ACTN1: variants seen among roughly 807,000 people sequenced by gnomAD.
The protein encoded by ACTN1 is alpha-actinin-1.
Under a neutral mutation model 119.6 loss-of-function variants are expected in ACTN1, and 30 were observed. The ratio of observed to expected loss-of-function variants is 0.25; its 90% CI spans 0.19 to 0.34. ACTN1 has a LOEUF of 0.34. ACTN1 is among the 10% of genes least tolerant of loss of function. The probability of loss-of-function intolerance (pLI) is 1.00; values close to 1 mark genes in which losing one functional copy is unlikely to be tolerated. For synonymous variants in ACTN1, 429 were observed against 472.6 expected, an observed-to-expected ratio of 0.91 and a Z score of 1.20; for missense variants, 764 against 1,223.4, an observed-to-expected ratio of 0.62 and a Z score of 5.60.
chr14:68,954,507 T>C (rs2036282892), intron 1 of ACTN1, among the ~76,000 whole-genome samples: 1 of 152,100 alleles, frequency 6.6e-6, no homozygotes, highest in Non-Finnish European at 1.5e-5. Context: ...TTTGTATTTT[T>C]AGTATAGACG....
At position 68,910,056 on chromosome 14, in the gene ACTN1, G is replaced by T; in HGVS notation, c.428-14C>A. Reference sequence around the variant, plus strand: ...TGGCTGAAGTCTCTATGGGGAAGGGGATGGGCAGCGAGGTCAGAGGGCTGA... The same window carrying T: ...TGGCTGAAGTCTCTATGGGGAAGGGTATGGGCAGCGAGGTCAGAGGGCTGA... On this transcript the variant is annotated splice_polypyrimidine_tract_variant and intron_variant, in intron 4 of 21. Transcript: ENST00000394419. 6.2e-7 allele frequency: 1 copy of T among 1,609,690 alleles called. No individual in the cohort carries two copies. The highest frequency in any genetic ancestry group is 1.1e-5 in the South Asian group (1 of 90,900).
At position 68,933,557 on chromosome 14, in the gene ACTN1, C is replaced by T. The variant is rs78732700; in HGVS notation, c.106-7885G>A. Among the ~76,000 whole-genome samples the T allele has an allele frequency of 9.1e-3, 1,383 of 152,284 alleles. 24 individuals carry two copies. Among genetic ancestry groups the T allele is most frequent in the African/African-American group, 0.031 (1,308 of 41,542 alleles). ...ACAAGTATACTAGGGTGCATGAGAG[C>T]TACTCAATGGCAACTAGAATACGGC... is the stretch of plus-strand genomic sequence containing the variant. On this transcript the variant is annotated intron_variant, in intron 1 of 21. Transcript: ENST00000394419.
At position 68,882,366 on chromosome 14, in the gene ACTN1, C is replaced by T; in HGVS notation, c.1953+92G>A. On this transcript the variant is annotated intron_variant, in intron 16 of 21. Coordinates refer to ENST00000394419, the MANE Select transcript of ACTN1 (RefSeq NM_001130004.2). This position sits in a 1 kb window ranked among gnomAD's most constrained non-coding sequence, Gnocchi z 4.5. ...CTCCGGGCCTCAGTCCTCCATGGGT[C>T]CCACCCAGGGAGACAGGCAGCCTGG... 8 of 1,540,196 alleles carry T rather than the reference C, an allele frequency of 5.2e-6. No individual in the cohort carries two copies. The highest frequency in any genetic ancestry group is 7.1e-6 in the Non-Finnish European group (8 of 1,133,488).
At chr14:68,964,669 T>G (rs2036646817) in intron 1 of ACTN1, among the ~76,000 whole-genome samples, 1 of 152,222 alleles carries the variant, frequency 6.6e-6, no homozygotes, top group Non-Finnish European at 1.5e-5. Context: ...CCTCAGTTCC[T>G]TCTGTAAAGT....
rs1446987905 is a variant in ACTN1 at position 68,909,295 on chromosome 14, G to T, written c.594+23C>A. The stretch of plus-strand genomic sequence containing the variant: ...CCCCACCTGCCAGGGACCCAAAGCG[G>T]GTGGTCAGGTGGGCACACATACCTT... On this transcript the variant is annotated intron_variant, in intron 6 of 21. Transcript: ENST00000394419. The surrounding 1 kb of genome is among the most constrained non-coding windows in gnomAD (Gnocchi z 4.1). The T allele has an allele frequency of 6.2e-7, 1 of 1,612,434 alleles. No homozygotes were observed. The highest frequency in any genetic ancestry group is 2.2e-5 in the East Asian group (1 of 44,862).
At chr14:68,918,510 T>C (rs1314212988) in intron 3 of ACTN1, among the ~76,000 whole-genome samples, 1 of 372 alleles carries the variant, frequency 2.7e-3, no homozygotes, top group East Asian at 0.1. Flanking sequence ...GGCGTCAAAC[T>C]GGGAGGCGGA....
intron 4 of ACTN1, among the ~76,000 whole-genome samples, chr14:68,911,597 G>C (rs951854401): frequency 7.9e-5 from 12 of 152,198 alleles, no homozygotes; most frequent in African/African-American, 2.9e-4. Flanking sequence ...ATCTCATCTT[G>C]TAAAAGTTTG....
At chr14:68,948,874 G>C (rs1326551429) in intron 1 of ACTN1, among the ~76,000 whole-genome samples, 2 of 152,190 alleles carry the variant, frequency 1.3e-5, no homozygotes, top group African/African-American at 4.8e-5. Flanking sequence ...AGGCGCACGG[G>C]GCACCCAAAA....
Position 68,879,093 on chromosome 14 carries a change from G to A in ACTN1, c.2281-24C>T. The A allele has an allele frequency of 6.3e-7, 1 of 1,589,758 alleles. No homozygotes were observed. The highest frequency in any genetic ancestry group is 8.6e-7 in the Non-Finnish European group (1 of 1,167,100). On this transcript the variant is annotated intron_variant, in intron 18 of 21. Coordinates refer to ENST00000394419, the MANE Select transcript of ACTN1 (RefSeq NM_001130004.2). This position sits in a 1 kb window ranked among gnomAD's most constrained non-coding sequence, Gnocchi z 4.9. ...TCCTGGGGCCGCGGTGCGCCAGGCA[G>A]CGAGCCATGCGGTGTCAGGGAGGTG...
At chr14:68,948,588 GAAGT>G (rs1235523165) in intron 1 of ACTN1, among the ~76,000 whole-genome samples, 2 of 151,976 alleles carry the variant, frequency 1.3e-5, no homozygotes, top group Non-Finnish European at 1.5e-5. Context: ...AAAAAAAAAA[GAAGT>G]AAGGTTTTCT....
At chr14:68,938,058 C>A (rs955697339) in intron 1 of ACTN1, among the ~76,000 whole-genome samples, 11 of 152,340 alleles carry the variant, frequency 7.2e-5, no homozygotes, top group Middle Eastern at 3.4e-3. Context: ...AAGACCTGCC[C>A]AGAAGTGATC....
At chr14:68,908,220 C>T (rs965314535) in intron 6 of ACTN1, among the ~76,000 whole-genome samples, 11 of 152,058 alleles carry the variant, frequency 7.2e-5, no homozygotes, top group African/African-American at 1.2e-4. Flanking sequence ...TGCAGGGAAG[C>T]GGGTAGGCAT....
At chr14:68,942,647 G>A (rs1594852673) in intron 1 of ACTN1, among the ~76,000 whole-genome samples, 4 of 152,186 alleles carry the variant, frequency 2.6e-5, no homozygotes, top group South Asian at 2.1e-4. Context: ...TGATTACGCC[G>A]AATGTTGGTG....
At chr14:68,884,080 CA>C (rs984248155) in intron 14 of ACTN1, 87 bp downstream of exon 14, 2 of 1,361,210 alleles carry the variant, frequency 1.5e-6, no homozygotes, top group African/African-American at 2.9e-5. Context: ...TGCTCTTCCT[CA>C]GGGGGCAGTC....
At chr14:68,968,982 G>A (rs949246045) in intron 1 of ACTN1, among the ~76,000 whole-genome samples, 4 of 152,148 alleles carry the variant, frequency 2.6e-5, no homozygotes, top group Non-Finnish European at 5.9e-5. Context: ...GTGGCTTCTG[G>A]GGAAAAGGCA....
intron 1 of ACTN1, among the ~76,000 whole-genome samples, chr14:68,926,821 G>A (rs1014907546): frequency 2.6e-5 from 4 of 152,108 alleles, no homozygotes; most frequent in African/African-American, 7.2e-5. Flanking sequence ...TGGGTAGGAA[G>A]AGGGAAGAAC....
At position 68,890,264 on chromosome 14, in the gene ACTN1, C is replaced by A; in HGVS notation, c.1109G>T (p.Cys370Phe). The A allele has an allele frequency of 6.2e-7, 1 of 1,614,242 alleles. No individual in the cohort carries two copies. The highest frequency in any genetic ancestry group is 8.5e-7 in the Non-Finnish European group (1 of 1,180,040). The change falls in exon 11 of 22, where the codon TGC (cysteine) becomes TTC (phenylalanine). Residue 370 changes from cysteine to phenylalanine, a missense_variant. Physicochemically the swap from Cys to Phe is radical, Grantham distance 205. This residue lies in a region of ACTN1 where 544 missense variants were observed against 912.0 expected (regional missense o/e 0.60). Transcript: ENST00000394419. ...MVSDINNAWG[C>F]LEQVEKGYEE... ...ATAGCCCTTCTCCACCTGCTCCAGG[C>A]AGCCCCAGGCATTGTTGATGTCCTG... is the stretch of plus-strand genomic sequence containing the variant.
chr14:68,903,097 G>A (rs962852874), intron 7 of ACTN1, among the ~76,000 whole-genome samples: 2 of 152,212 alleles, frequency 1.3e-5, no homozygotes, highest in African/African-American at 4.8e-5. Flanking sequence ...GTAAAATGAT[G>A]TGATATCTCA....
At chr14:68,905,596 T>C (rs148746389) in intron 6 of ACTN1, among the ~76,000 whole-genome samples, 133 of 152,284 alleles carry the variant, frequency 8.7e-4, no homozygotes, top group African/African-American at 3.2e-3. Flanking sequence ...TGGTGATACA[T>C]ACAATGGAAT....
Sources: gnomAD v4.1 joint callset for allele counts (sites outside exome capture counted in the v4.1 genomes callset) on GRCh38, gnomAD v4.1.1 for gene constraint, gnomAD v4.1.1 regional missense constraint, Gnocchi (gnomAD v3.1) non-coding constraint, MANE v1.5 for transcripts, NCBI Gene and HGNC (gene_info 2026-07-23, HGNC 2026-07-21) for gene names.